RABL6: variants seen among roughly 807,000 people sequenced by gnomAD.
RABL6 encodes RAB, member RAS oncogene family like 6.
RABL6 carries 28 observed loss-of-function variants against 72.9 expected under a neutral mutation model. That is an observed-to-expected ratio of 0.38 (90% CI 0.28 to 0.53). The LOEUF (loss-of-function observed/expected upper bound fraction) is 0.53, where lower values mean the gene tolerates loss of function less well. Ranked by LOEUF, RABL6 falls within the 20% of genes least tolerant of loss-of-function variation. The pLI is 0.80. For missense variants in RABL6, 1,029 were observed against 1,008.4 expected (o/e 1.02, Z -0.28); for synonymous variants, 477 against 421.2 (o/e 1.13, Z -1.62).
intron 7 of RABL6, among the ~76,000 whole-genome samples, chr9:136,834,770 G>A (rs977711453): frequency 6.6e-5 from 10 of 151,692 alleles, no homozygotes; most frequent in Admixed American, 2.0e-4. Context: ...GAGCCACCAC[G>A]CCCAGCCTCA....
intron 1 of RABL6, chr9:136,821,546 C>G (rs1389385122): frequency 1.0e-6 from 1 of 985,300 alleles, no homozygotes; most frequent in African/African-American, 1.7e-5. Flanking sequence ...CGAGCCCGGG[C>G]TGCTGCTCAT....
Position 136,840,841 on chromosome 9 carries a change from T to C in RABL6, c.*319T>C, listed in dbSNP as rs1848683492. ...GAGGCCCAGGAGGGACCTGTGAGGG[T>C]CTGTTTACAGAGGCTGGGCAGGGGC... On this transcript the variant is annotated 3_prime_UTR_variant, in exon 15 of 15. Coordinates refer to ENST00000311502, the MANE Select transcript of RABL6 (RefSeq NM_024718.5). 1.3e-6 allele frequency: 2 copies of C among 1,545,380 alleles called. No homozygotes were observed. Among genetic ancestry groups the C allele is most frequent in the Admixed American group, 2.0e-5 (1 of 50,908 alleles).
intron 1 of RABL6, among the ~76,000 whole-genome samples, chr9:136,818,306 T>C (rs1641694777): frequency 8.0e-6 from 1 of 124,898 alleles, no homozygotes; most frequent in African/African-American, 3.2e-5. Context: ...GAGCTTGCAG[T>C]GAGCCGAGAT....
chr9:136,839,564 G>A, intron 12 of RABL6, 78 bp downstream of exon 12: 1 of 1,556,408 alleles, frequency 6.4e-7, no homozygotes, highest in Admixed American at 1.8e-5. Context: ...GGTGGGTGCA[G>A]TGGGAGGAGG....
chr9:136,833,499 G>C (rs1407093309), intron 7 of RABL6: 1 of 600,260 alleles, frequency 1.7e-6, no homozygotes, highest in Non-Finnish European at 2.9e-6. Context: ...GGGTCTGGGG[G>C]ACCTGAACCT....
At chr9:136,824,492 G>C (rs1029670049) in intron 2 of RABL6, among the ~76,000 whole-genome samples, 1 of 151,778 alleles carries the variant, frequency 6.6e-6, no homozygotes, top group Non-Finnish European at 1.5e-5. Context: ...ACCACACCCA[G>C]CTAATTATTT....
Position 136,808,202 on chromosome 9 carries a change from T to C in RABL6, c.6T>C (p.Phe2=), listed in dbSNP as rs766439312. 1 of 1,534,992 alleles carries C rather than the reference T, an allele frequency of 6.5e-7. No individual in the cohort carries two copies. The highest frequency in any genetic ancestry group is 1.4e-5 in the African/African-American group (1 of 70,112). M[F]SALKKLVGSD... ...TGGGACGTCCGAGCGGGAAGATGTT[T>C]TCCGCCCTGAAGAAGCTGGTGGGGT... Residue 2 remains phenylalanine (F), a synonymous_variant, in exon 1 of 15, where the codon TTT becomes TTC. Transcript: ENST00000311502.
Position 136,839,215 on chromosome 9 carries a change from C to T in RABL6, c.1494-7C>T, listed in dbSNP as rs765881582. 20 of 1,595,348 alleles carry T rather than the reference C, an allele frequency of 1.3e-5. No individual in the cohort carries two copies. Among genetic ancestry groups the T allele is most frequent in the Admixed American group, 1.7e-5 (1 of 57,476 alleles). ...GACCCTGACTGACCCTCTGCTTGTCCACAAAGGTCCTCCATACCAGCTTCG... is the reference window on the plus strand; with the variant it reads ...GACCCTGACTGACCCTCTGCTTGTCTACAAAGGTCCTCCATACCAGCTTCG... On this transcript the variant is annotated splice_region_variant and splice_polypyrimidine_tract_variant and intron_variant, in intron 11 of 14. Coordinates refer to ENST00000311502, the MANE Select transcript of RABL6 (RefSeq NM_024718.5).
intron 2 of RABL6, 48 bp from the exon 3 acceptor site, chr9:136,825,731 T>A: frequency 6.3e-7 from 1 of 1,592,844 alleles, no homozygotes; most frequent in Non-Finnish European, 8.6e-7. Context: ...TTGTGCCACC[T>A]TGGGAACTTC....
In RABL6 at chr9:136,826,347, C is replaced by A. The variant is rs895562984; in HGVS notation, c.313+521C>A. ...CACAAGGTCATGAGTTCCTCTAAGT[C>A]CTCAGGGTGGAGCTCATGGCCCTCC... On this transcript the variant is annotated intron_variant, in intron 3 of 14. Transcript: ENST00000311502. The surrounding 1 kb of genome is among the most constrained non-coding windows in gnomAD (Gnocchi z 4.9). Among the ~76,000 whole-genome samples, 2 of 152,188 alleles carry A rather than the reference C, an allele frequency of 1.3e-5. No homozygotes were observed. Among genetic ancestry groups the A allele is most frequent in the Non-Finnish European group, 2.9e-5 (2 of 68,016 alleles).
intron 10 of RABL6, among the ~76,000 whole-genome samples, chr9:136,838,678 C>T (rs561645031): frequency 3.3e-5 from 5 of 152,374 alleles, no homozygotes; most frequent in South Asian, 2.1e-4. Flanking sequence ...CCACATCCTT[C>T]ACCCACTGAG....
chr9:136,840,644 G>A lies in RABL6; in HGVS notation c.*122G>A. 1 of 1,549,672 alleles carries A rather than the reference G, an allele frequency of 6.5e-7. No individual in the cohort carries two copies. On this transcript the variant is annotated 3_prime_UTR_variant, in exon 15 of 15. Transcript: ENST00000311502. ...TGGCTGCCGTGTGCGCTTCTGAGCT[G>A]GAAGAGGCCGGGCATTGGTGGTCCC...
intron 1 of RABL6, among the ~76,000 whole-genome samples, chr9:136,818,060 T>TTA (rs1848156209): frequency 5.1e-5 from 1 of 19,570 alleles, no homozygotes; most frequent in Admixed American, 6.6e-4. Context: ...AGACTCCATC[T>TTA]CAAAAAAAAA....
At chr9:136,816,310 G>T (rs953215989) in intron 1 of RABL6, among the ~76,000 whole-genome samples, 1 of 151,980 alleles carries the variant, frequency 6.6e-6, no homozygotes. Flanking sequence ...TCACCATGTT[G>T]CCCAGGCTGG....
At chr9:136,829,208 T>G (rs993377975) in intron 4 of RABL6, among the ~76,000 whole-genome samples, 185 bp from the exon 5 acceptor site, 4 of 152,280 alleles carry the variant, frequency 2.6e-5, no homozygotes, top group Non-Finnish European at 4.4e-5. Flanking sequence ...AGGCTGGTGT[T>G]GACCGTCAGA....
In RABL6 at chr9:136,823,688, C is replaced by T. The variant is rs143881231; in HGVS notation, c.265+29C>T. On this transcript the variant is annotated intron_variant, in intron 2 of 14. Transcript: ENST00000311502. ...AGTGTGGTGGGTGCCCCAGTGGGTT[C>T]GGGCTCCAGGCTTCTCCTCCCTCAG... 5,688 of 1,578,734 alleles carry T rather than the reference C, an allele frequency of 3.6e-3. 13 individuals are homozygous for T. The highest frequency in any genetic ancestry group is 4.6e-3 in the Middle Eastern group (27 of 5,890).
intron 1 of RABL6, among the ~76,000 whole-genome samples, chr9:136,818,604 G>T (rs1009495201): frequency 3.9e-5 from 6 of 151,902 alleles, no homozygotes; most frequent in African/African-American, 1.2e-4. Context: ...AATTAGCCAG[G>T]CATGGTGGTG....
At chr9:136,817,540 C>T in intron 1 of RABL6, among the ~76,000 whole-genome samples, 1 of 149,416 alleles carries the variant, frequency 6.7e-6, no homozygotes, top group African/African-American at 2.5e-5. Context: ...TGTGGGGAGG[C>T]CGACGTGGGC....
intron 1 of RABL6, chr9:136,821,758 G>A (rs1848242518): frequency 1.2e-5 from 14 of 1,153,018 alleles, no homozygotes; most frequent in Non-Finnish European, 1.5e-5. Flanking sequence ...CGCCGGGCTG[G>A]AGGGCGCTGC....
Sources: allele counts gnomAD v4.1 joint callset (sites outside exome capture counted in the v4.1 genomes callset), GRCh38; gene constraint gnomAD v4.1.1; non-coding constraint Gnocchi (gnomAD v3.1); transcripts MANE v1.5; gene names NCBI Gene and HGNC (gene_info 2026-07-23, HGNC 2026-07-21).